The following ETS1 variants were observed in gnomAD, a reference collection of about 807,000 sequenced individuals.
ETS1 encodes protein C-ets-1.
A neutral mutation model predicts 58.6 loss-of-function variants in ETS1; 15 were observed. The observed-to-expected ratio is 0.26, with a 90% confidence interval of 0.17 to 0.39. The LOEUF (loss-of-function observed/expected upper bound fraction) is 0.39. Ranked by LOEUF, ETS1 falls within the 10% of genes least tolerant of loss-of-function variation. ETS1 has a pLI of 1.00. For synonymous variants in ETS1, 214 were observed against 218.2 expected, an observed-to-expected ratio of 0.98 and a Z score of 0.17; for missense variants, 417 against 610.5, an observed-to-expected ratio of 0.68 and a Z score of 3.34.
rs1344750707 is a variant in ETS1 at position 128,584,987 on chromosome 11, A to AAAGAAAGAAAGG, written c.-15+2500_-15+2501insCCTTTCTTTCTT. ...GAAAGAAAGAAAGAAAGAAAGAAAG[A>AAAGAAAGAAAGG]AAGGAAGGAAGGAAGGAAAGAAAGG... On this transcript the variant is annotated intron_variant, in intron 1 of 9. Coordinates refer to ENST00000392668, the MANE Select transcript of ETS1 (RefSeq NM_001143820.2). 2.1e-4 allele frequency among the ~76,000 whole-genome samples: 11 copies of AAAGAAAGAAAGG among 51,224 alleles called. No homozygotes were observed. In the East Asian group the frequency reaches 4.5e-3, roughly 21 times the overall value. 33.6% of individuals were successfully genotyped at this position (51,224 alleles called of 152,430 possible).
intron 3 of ETS1, among the ~76,000 whole-genome samples, chr11:128,547,089 G>A (rs1343004610): frequency 2.0e-5 from 3 of 152,190 alleles, no homozygotes; most frequent in Non-Finnish European, 4.4e-5. Context: ...CAGAGACAAT[G>A]GAATGGAAAC....
At chr11:128,500,617 G>C (rs982357283) in intron 3 of ETS1, among the ~76,000 whole-genome samples, 1 of 152,078 alleles carries the variant, frequency 6.6e-6, no homozygotes, top group African/African-American at 2.4e-5. Flanking sequence ...AATCTGGACT[G>C]AGAAGGAAAA....
At chr11:128,520,225 CTAATATT>C (rs1290916360) in intron 3 of ETS1, among the ~76,000 whole-genome samples, 1 of 152,216 alleles carries the variant, frequency 6.6e-6, no homozygotes, top group Non-Finnish European at 1.5e-5. Context: ...TACATTGTCT[CTAATATT>C]TAATATTAAA....
At chr11:128,506,987 C>T (rs1413259002) in intron 3 of ETS1, among the ~76,000 whole-genome samples, 1 of 152,178 alleles carries the variant, frequency 6.6e-6, no homozygotes, top group Non-Finnish European at 1.5e-5. Context: ...CTCCATCAGA[C>T]AGGGCTCTTT....
intron 3 of ETS1, among the ~76,000 whole-genome samples, chr11:128,520,734 T>C (rs2135516668): frequency 6.6e-6 from 1 of 152,338 alleles, no homozygotes; most frequent in Non-Finnish European, 1.5e-5. Context: ...GGAGGGGACG[T>C]GACCTACATG....
In ETS1 at chr11:128,587,005, T is replaced by C. The variant is rs1591686488; in HGVS notation, c.-15+483A>G. Among the ~76,000 whole-genome samples the C allele has an allele frequency of 2.0e-5, 3 of 152,144 alleles. No individual in the cohort carries two copies. The East Asian group carries it at 5.8e-4, about 29-fold the overall frequency. On this transcript the variant is annotated intron_variant, in intron 1 of 9. Coordinates refer to ENST00000392668, the MANE Select transcript of ETS1 (RefSeq NM_001143820.2). ...AAAACACCAAACAGGCTAGTTTGGC[T>C]AGCAAGATTCAAACCTGTAGCAATT... is the stretch of plus-strand genomic sequence containing the variant.
At chr11:128,480,533 G>A (rs1199683988) in intron 7 of ETS1, 82 bp from the exon 8 acceptor site, 1 of 934,148 alleles carries the variant, frequency 1.1e-6, no homozygotes, top group Non-Finnish European at 1.7e-6. Context: ...CCCTCTTATG[G>A]AGGACAGATT....
intron 3 of ETS1, among the ~76,000 whole-genome samples, chr11:128,535,444 T>A (rs1863959344): frequency 6.6e-6 from 1 of 152,248 alleles, no homozygotes; most frequent in Non-Finnish European, 1.5e-5. Context: ...AGATTCCATT[T>A]GTCAATTTCT....
chr11:128,544,243 A>G (rs1203498397), intron 3 of ETS1, among the ~76,000 whole-genome samples: 1 of 151,082 alleles, frequency 6.6e-6, no homozygotes, highest in Admixed American at 6.6e-5. Flanking sequence ...AGATAAAAAT[A>G]GGCATAGAGC....
rs551806549 is a variant in ETS1, at chr11:128,553,931, A to G, written c.214+2360T>C. ...AGGAAACTGAAGTTATAAATAGGAT[A>G]AAAGAAGATGAAAAAAATGTCGAGT... On this transcript the variant is annotated intron_variant, in intron 3 of 9. Transcript: ENST00000392668. Among the ~76,000 whole-genome samples the G allele has an allele frequency of 1.3e-3, 202 of 152,286 alleles. 3 individuals carry two copies. The highest frequency in any genetic ancestry group is 4.8e-3 in the African/African-American group (201 of 41,550).
rs1414248628 is a variant in ETS1, at chr11:128,549,333, A to T, written c.214+6958T>A. 6.6e-6 allele frequency among the ~76,000 whole-genome samples: 1 copy of T among 150,390 alleles called. No homozygotes were observed. The highest frequency in any genetic ancestry group is 1.5e-5 in the Non-Finnish European group (1 of 67,832). ...TCCCACCTCATCGGCCCACCCGAAG[A>T]TGTCCATTCACCCAGTGCCGCGGCC... is the stretch of plus-strand genomic sequence containing the variant. On this transcript the variant is annotated intron_variant, in intron 3 of 9. Transcript: ENST00000392668. The surrounding 1 kb of genome is among the most constrained non-coding windows in gnomAD (Gnocchi z 4.3).
At chr11:128,582,358 C>T (rs1358411051) in intron 1 of ETS1, among the ~76,000 whole-genome samples, 1 of 152,118 alleles carries the variant, frequency 6.6e-6, no homozygotes, top group East Asian at 1.9e-4. Flanking sequence ...TCATACAAAA[C>T]ACAAATACTT....
intron 3 of ETS1, 115 bp from the exon 4 acceptor site, chr11:128,490,691 T>C: frequency 1.5e-6 from 1 of 653,768 alleles, no homozygotes; most frequent in Non-Finnish European, 2.6e-6. Context: ...GCTAGCATCC[T>C]CACCAGAGCA....
In ETS1 at chr11:128,523,282, C is replaced by T. The variant is rs114212026; in HGVS notation, c.215-32706G>A. 3.5e-3 allele frequency among the ~76,000 whole-genome samples: 530 copies of T among 152,268 alleles called. 5 individuals carry two copies. Among genetic ancestry groups the T allele is most frequent in the African/African-American group, 0.012 (509 of 41,520 alleles). ...AGTTTCTGTTCCATTTGGGAACCCC[C>T]AACACTAGAGATAAAACAAAATGAA... is the stretch of plus-strand genomic sequence containing the variant. On this transcript the variant is annotated intron_variant, in intron 3 of 9. Transcript: ENST00000392668.
chr11:128,484,125 AT>A (rs1439205626), intron 7 of ETS1, among the ~76,000 whole-genome samples: 1 of 152,114 alleles, frequency 6.6e-6, no homozygotes, highest in East Asian at 1.9e-4. Flanking sequence ...ACCCAGCTCT[AT>A]TTTTAAACAC....
At chr11:128,568,492 A>C (rs1202729815) in intron 2 of ETS1, among the ~76,000 whole-genome samples, 1 of 152,204 alleles carries the variant, frequency 6.6e-6, no homozygotes, top group Non-Finnish European at 1.5e-5. Context: ...CACACAGCCC[A>C]TAGAAGTACC....
At chr11:128,484,405 A>AG in intron 7 of ETS1, among the ~76,000 whole-genome samples, 1 of 152,312 alleles carries the variant, frequency 6.6e-6, no homozygotes, top group South Asian at 2.1e-4. Flanking sequence ...CAGACCCAGG[A>AG]GTCCTCTGGG....
chr11:128,556,609 G>A (rs1178519241), intron 2 of ETS1, among the ~76,000 whole-genome samples, 174 bp from the exon 3 acceptor site: 1 of 152,126 alleles, frequency 6.6e-6, no homozygotes, highest in Non-Finnish European at 1.5e-5. Flanking sequence ...TAAAGACGCA[G>A]GGAACGAGAA....
At chr11:128,521,761 C>A in intron 3 of ETS1, 1 of 571,924 alleles carries the variant, frequency 1.7e-6, no homozygotes, top group African/African-American at 1.9e-5. Context: ...CCTCCTTCTC[C>A]TCCTCGTCCT....
Sources: gnomAD v4.1 joint callset for allele counts (sites outside exome capture counted in the v4.1 genomes callset) on GRCh38, gnomAD v4.1.1 for gene constraint, Gnocchi (gnomAD v3.1) non-coding constraint, MANE v1.5 for transcripts, NCBI Gene and HGNC (gene_info 2026-07-23, HGNC 2026-07-21) for gene names.